STAU1: variants seen among roughly 807,000 people sequenced by gnomAD.
The protein encoded by STAU1 is double-stranded RNA-binding protein Staufen homolog 1.
A neutral mutation model predicts 62.9 loss-of-function variants in STAU1; 13 were observed. The ratio of observed to expected loss-of-function variants is 0.21; its 90% CI spans 0.13 to 0.33. The LOEUF (loss-of-function observed/expected upper bound fraction) is 0.33. STAU1 is among the 10% of genes least tolerant of loss of function. STAU1 has a pLI of 1.00. For missense variants in STAU1, 571 were observed against 712.1 expected (o/e 0.80, Z 2.25); for synonymous variants, 269 against 265.1 (o/e 1.01, Z -0.14).
chr20:49,167,702 T>C (rs1374497213), intron 2 of STAU1, among the ~76,000 whole-genome samples: 12 of 152,224 alleles, frequency 7.9e-5, no homozygotes, highest in Non-Finnish European at 1.5e-5. Context: ...CATTGGGTTT[T>C]TTTTCCGTCA....
chr20:49,143,269 T>C (rs925278637), intron 5 of STAU1, among the ~76,000 whole-genome samples: 2 of 152,160 alleles, frequency 1.3e-5, no homozygotes, highest in Non-Finnish European at 2.9e-5. Context: ...GATTCCATAG[T>C]GTATAGTTCA....
chr20:49,197,604 G>T, the STAU1 span, among the ~76,000 whole-genome samples: 1 of 151,908 alleles, frequency 6.6e-6, no homozygotes, highest in East Asian at 1.9e-4. Context: ...GTTTTGCCAT[G>T]TTGCCCAGGC....
intron 6 of STAU1, among the ~76,000 whole-genome samples, chr20:49,125,088 A>C (rs1034290933): frequency 6.7e-6 from 1 of 150,362 alleles, no homozygotes; most frequent in African/African-American, 2.4e-5. Flanking sequence ...AAAAAAAAAA[A>C]AAACCCACAA....
chr20:49,126,209 CA>C (rs138430150), intron 6 of STAU1, among the ~76,000 whole-genome samples: 2,333 of 151,782 alleles, frequency 0.015, 73 homozygotes, highest in South Asian at 0.085. Context: ...CACACTTAAT[CA>C]AACTTTAAAA....
At chr20:49,140,808 T>A (rs1360927543) in intron 5 of STAU1, among the ~76,000 whole-genome samples, 1 of 152,172 alleles carries the variant, frequency 6.6e-6, no homozygotes, top group East Asian at 1.9e-4. Context: ...TTTGCCTGAA[T>A]TTTTTAAAAA....
chr20:49,142,490 G>A (rs575268390), intron 5 of STAU1, among the ~76,000 whole-genome samples: 1 of 152,034 alleles, frequency 6.6e-6, no homozygotes, highest in Admixed American at 6.6e-5. Context: ...GAAAACAATG[G>A]GTCTACTGCT....
At chr20:49,145,978 C>CA (rs2146170989) in intron 5 of STAU1, among the ~76,000 whole-genome samples, 1 of 151,894 alleles carries the variant, frequency 6.6e-6, no homozygotes, top group East Asian at 1.9e-4. Context: ...TTAAAGTCTC[C>CA]AATTTCAGGC....
the STAU1 span, among the ~76,000 whole-genome samples, chr20:49,201,890 A>G: frequency 2.0e-5 from 3 of 152,092 alleles, no homozygotes; most frequent in African/African-American, 7.2e-5. Context: ...ATTAGAAAAT[A>G]AGAAATGCCT....
chr20:49,174,412 A>C (rs992538742), intron 1 of STAU1, 143 bp from the exon 2 acceptor site: 1 of 152,258 alleles, frequency 6.6e-6, no homozygotes, highest in Admixed American at 6.5e-5. Context: ...GGCAGCATGC[A>C]GTAGAGTCTT....
intron 3 of STAU1, among the ~76,000 whole-genome samples, chr20:49,164,919 A>G (rs991779325): frequency 1.3e-5 from 2 of 152,196 alleles, no homozygotes; most frequent in Non-Finnish European, 2.9e-5. Context: ...ATAAATGTCA[A>G]TGTACTTTTT....
chr20:49,202,251 A>AAAGAAAG, the STAU1 span, among the ~76,000 whole-genome samples: 1 of 148,178 alleles, frequency 6.7e-6, no homozygotes, highest in South Asian at 2.1e-4. Flanking sequence ...AGAAAGAAAG[A>AAAGAAAG]AAGAAAGAAT....
chr20:49,183,129 G>A (rs752955537), intron 1 of STAU1, among the ~76,000 whole-genome samples: 1 of 152,198 alleles, frequency 6.6e-6, no homozygotes, highest in South Asian at 2.1e-4. Context: ...AAAATTACAC[G>A]AGAAGCATTT....
chr20:49,188,415 GCCCGGC>G (rs1208395610), upstream of STAU1: 2 of 149,250 alleles, frequency 1.3e-5, no homozygotes, highest in Non-Finnish European at 1.5e-5. Flanking sequence ...CCGCCTCCAG[GCCCGGC>G]CCCGGCCCCA....
At chr20:49,163,304 T>G (rs925204066) in intron 3 of STAU1, among the ~76,000 whole-genome samples, 2 of 152,176 alleles carry the variant, frequency 1.3e-5, no homozygotes, top group African/African-American at 4.8e-5. Flanking sequence ...CCACTCCCTT[T>G]TTTTTTCTAG....
At chr20:49,142,424 G>A (rs1431922994) in intron 5 of STAU1, among the ~76,000 whole-genome samples, 2 of 152,010 alleles carry the variant, frequency 1.3e-5, no homozygotes, top group South Asian at 2.1e-4. Context: ...TTATACTAAC[G>A]AAATGCTCCT....
rs527934630 is a variant in STAU1, at chr20:49,125,534, G to GAA, written c.610-949_610-948dup. Among the ~76,000 whole-genome samples the GAA allele has an allele frequency of 7.0e-3, 535 of 76,362 alleles. 4 individuals are homozygous for GAA. The highest frequency in any genetic ancestry group is 0.011 in the Non-Finnish European group (432 of 39,522). The allele number at this position is 76,362 out of a possible 152,430, so 50.1% of individuals were successfully genotyped here. ...GATAGAGTAAGACCCTGTCTCAAAG[G>GAA]AAAAAAAAAAAAAAAAAAAAGCAAG... On this transcript the variant is annotated intron_variant, in intron 6 of 13. Transcript: ENST00000371856.
chr20:49,136,464 A>C (rs1424862166), intron 5 of STAU1, among the ~76,000 whole-genome samples: 1 of 152,236 alleles, frequency 6.6e-6, no homozygotes, highest in Non-Finnish European at 1.5e-5. Flanking sequence ...GTACCTCATA[A>C]GTTCACCAAA....
At chr20:49,187,784 C>CA (rs1299328836) in intron 1 of STAU1, among the ~76,000 whole-genome samples, 2 of 150,726 alleles carry the variant, frequency 1.3e-5, no homozygotes, top group African/African-American at 4.9e-5. Context: ...CCCCCCCCCC[C>CA]CCCCGCCTGC....
intron 6 of STAU1, among the ~76,000 whole-genome samples, chr20:49,125,390 G>T (rs940333530): frequency 6.6e-6 from 1 of 150,996 alleles, no homozygotes; most frequent in African/African-American, 2.4e-5. Flanking sequence ...ATTAGCTAGG[G>T]GTGGTGGTGC....
Sources: gnomAD v4.1 joint callset for allele counts (sites outside exome capture counted in the v4.1 genomes callset) on GRCh38, gnomAD v4.1.1 for gene constraint, MANE v1.5 for transcripts, NCBI Gene and HGNC (gene_info 2026-07-23, HGNC 2026-07-21) for gene names.